Variants in GPC6 observed in about 807,000 individuals in gnomAD.
GPC6 encodes the protein glypican 6.
Under a neutral mutation model 55.2 loss-of-function variants are expected in GPC6, and 14 were observed. The observed-to-expected ratio is 0.25, with a 90% CI of 0.17 to 0.40. The LOEUF is 0.40. GPC6 is among the 10% of genes least tolerant of loss of function. The probability of loss-of-function intolerance (pLI) is 1.00; values close to 1 mark genes in which losing one functional copy is unlikely to be tolerated. For synonymous variants in GPC6, 278 were observed against 259.6 expected, an observed-to-expected ratio of 1.07 and a Z score of -0.68; for missense variants, 641 against 708.5, an observed-to-expected ratio of 0.90 and a Z score of 1.08.
intron 4 of GPC6, among the ~76,000 whole-genome samples, chr13:94,097,480 C>A (rs1885707385): frequency 7.6e-6 from 1 of 131,988 alleles, no homozygotes; most frequent in Non-Finnish European, 1.6e-5. Context: ...GCGCTCCAGC[C>A]TGGGCCACAG....
chr13:94,027,924 A>G (rs764525953), intron 4 of GPC6, 30 bp downstream of exon 4: 1 of 1,601,442 alleles, frequency 6.2e-7, no homozygotes, highest in South Asian at 1.1e-5. Context: ...ATCCGAGAAC[A>G]GAGACGGGAC....
chr13:93,823,884 A>G (rs1393284006), intron 2 of GPC6, among the ~76,000 whole-genome samples: 1 of 152,198 alleles, frequency 6.6e-6, no homozygotes, highest in Non-Finnish European at 1.5e-5. Context: ...AATAAACTTA[A>G]TTTATAAAAA....
Position 93,859,339 on chromosome 13 carries a change from A to G in GPC6, c.711+28794A>G, listed in dbSNP as rs1445660507. On this transcript the variant is annotated intron_variant, in intron 3 of 8. Coordinates refer to ENST00000377047, the MANE Select transcript of GPC6 (RefSeq NM_005708.5). Reference sequence around the variant, plus strand: ...CATGTATTTTACTGAAAAATAAACTATTCAGTGTTATATTGGTTAATATAA... The same window carrying G: ...CATGTATTTTACTGAAAAATAAACTGTTCAGTGTTATATTGGTTAATATAA... 4.6e-5 allele frequency among the ~76,000 whole-genome samples: 7 copies of G among 151,670 alleles called. No homozygotes were observed. In the South Asian group the frequency reaches 6.2e-4, roughly 13 times the overall value.
intron 1 of GPC6, among the ~76,000 whole-genome samples, chr13:93,454,891 G>A (rs1878381296): frequency 6.6e-6 from 1 of 152,234 alleles, no homozygotes. Flanking sequence ...GGGGGTGGGA[G>A]GCTCAGGCAT....
chr13:94,251,720 A>C (rs557753877), intron 4 of GPC6, among the ~76,000 whole-genome samples: 1 of 144,360 alleles, frequency 6.9e-6, no homozygotes, highest in Admixed American at 6.7e-5. Flanking sequence ...AGGCAAAAAA[A>C]AAAACAAAAA....
At chr13:94,313,732 C>T (rs761505956) in intron 6 of GPC6, among the ~76,000 whole-genome samples, 12 of 152,064 alleles carry the variant, frequency 7.9e-5, no homozygotes, top group Non-Finnish European at 1.6e-4. Context: ...ATATTGGGGG[C>T]GATTTGTTAA....
intron 2 of GPC6, among the ~76,000 whole-genome samples, chr13:93,621,176 C>T (rs1878937379): frequency 6.6e-6 from 1 of 152,094 alleles, no homozygotes; most frequent in Non-Finnish European, 1.5e-5. Context: ...AGCCAGGTTG[C>T]CAGAGCCCTC....
intron 2 of GPC6, among the ~76,000 whole-genome samples, chr13:93,661,284 G>A (rs569645639): frequency 6.6e-6 from 1 of 152,128 alleles, no homozygotes; most frequent in South Asian, 2.1e-4. Context: ...AGCAATCTTG[G>A]CTCGCTGCAA....
intron 1 of GPC6, among the ~76,000 whole-genome samples, chr13:93,466,558 T>TA (rs1357287851): frequency 6.6e-6 from 1 of 152,166 alleles, no homozygotes; most frequent in Non-Finnish European, 1.5e-5. Context: ...AGAGTTAATT[T>TA]AAAAAAATAG....
At chr13:93,456,579 C>T (rs1456112565) in intron 1 of GPC6, among the ~76,000 whole-genome samples, 1 of 151,930 alleles carries the variant, frequency 6.6e-6, no homozygotes, top group Non-Finnish European at 1.5e-5. Context: ...TTACAAAGAA[C>T]CGCAAACTGG....
intron 1 of GPC6, among the ~76,000 whole-genome samples, chr13:93,541,898 A>T (rs1403312058): frequency 4.0e-5 from 6 of 151,520 alleles, no homozygotes; most frequent in African/African-American, 1.5e-4. Context: ...AATTTGTTTG[A>T]GTTCATTGTA....
intron 2 of GPC6, among the ~76,000 whole-genome samples, chr13:93,667,115 C>T (rs916667094): frequency 3.3e-5 from 5 of 152,034 alleles, no homozygotes; most frequent in African/African-American, 1.2e-4. Flanking sequence ...GGCTAAGAGA[C>T]ATTTTTGGTC....
chr13:93,261,909 C>T lies in GPC6; in HGVS notation c.160+34293C>T, dbSNP rs115418241. ...ACTTTCTGGCATTATTCACATTTATCTCCTATCTCTCCCTCTACACACACA... is the reference window on the plus strand; with the variant it reads ...ACTTTCTGGCATTATTCACATTTATTTCCTATCTCTCCCTCTACACACACA... On this transcript the variant is annotated intron_variant, in intron 1 of 8. Coordinates refer to ENST00000377047, the MANE Select transcript of GPC6 (RefSeq NM_005708.5). Among the ~76,000 whole-genome samples the T allele has an allele frequency of 5.0e-3, 740 of 146,840 alleles. 4 individuals carry two copies. Among genetic ancestry groups the T allele is most frequent in the African/African-American group, 0.018 (709 of 39,122 alleles).
At chr13:93,314,948 C>T (rs561156715) in intron 1 of GPC6, among the ~76,000 whole-genome samples, 2 of 151,930 alleles carry the variant, frequency 1.3e-5, no homozygotes, top group African/African-American at 4.8e-5. Context: ...TTGATGAGAA[C>T]CCAGATTTGT....
At chr13:93,507,515 C>T (rs1431929176) in intron 1 of GPC6, among the ~76,000 whole-genome samples, 1 of 152,186 alleles carries the variant, frequency 6.6e-6, no homozygotes, top group East Asian at 1.9e-4. Context: ...GGTCAGCTCA[C>T]TACTTTAATT....
At chr13:93,934,177 T>C (rs916941904) in intron 3 of GPC6, among the ~76,000 whole-genome samples, 11 of 152,196 alleles carry the variant, frequency 7.2e-5, no homozygotes, top group Non-Finnish European at 4.4e-5. Context: ...GGTTATCCCA[T>C]AGCCTTGTGC....
In GPC6 at chr13:94,316,622, CAGG is replaced by C. The variant is rs544661673; in HGVS notation, c.1152+10502_1152+10504del. 4.4e-3 allele frequency among the ~76,000 whole-genome samples: 659 copies of C among 149,178 alleles called. 6 individuals carry two copies. Among genetic ancestry groups the C allele is most frequent in the African/African-American group, 0.011 (460 of 40,514 alleles). On this transcript the variant is annotated intron_variant, in intron 6 of 8. Coordinates refer to ENST00000377047, the MANE Select transcript of GPC6 (RefSeq NM_005708.5). The stretch of plus-strand genomic sequence containing the variant: ...GTCCCAGCTACTTGGGAGGCTGAGG[CAGG>C]AGAATGGCGTGAACCCGGGAGGCAG...
intron 1 of GPC6, among the ~76,000 whole-genome samples, chr13:93,318,684 G>A (rs1879326491): frequency 6.6e-6 from 1 of 152,066 alleles, no homozygotes; most frequent in South Asian, 2.1e-4. Context: ...GCTTGCAGGG[G>A]GAGGTGCCAA....
intron 2 of GPC6, among the ~76,000 whole-genome samples, chr13:93,575,443 C>T (rs1480511854): frequency 6.6e-6 from 1 of 152,138 alleles, no homozygotes; most frequent in African/African-American, 2.4e-5. Context: ...TGTTAGAATA[C>T]ACACTGTGGA....
Sources: allele counts gnomAD v4.1 joint callset (sites outside exome capture counted in the v4.1 genomes callset), GRCh38; gene constraint gnomAD v4.1.1; transcripts MANE v1.5; gene names NCBI Gene and HGNC (gene_info 2026-07-23, HGNC 2026-07-21).